GRIP1: variants seen among roughly 807,000 people sequenced by gnomAD.
GRIP1 encodes the protein glutamate receptor-interacting protein 1.
Under a neutral mutation model 129.9 loss-of-function variants are expected in GRIP1, and 45 were observed. That is an observed-to-expected ratio of 0.35 (90% CI 0.27 to 0.44). GRIP1 has a LOEUF of 0.44. GRIP1 is among the 20% of genes least tolerant of loss of function. The pLI is 1.00. For missense variants in GRIP1, 1,196 were observed against 1,396.8 expected (o/e 0.86, Z 2.29); for synonymous variants, 530 against 520.8 (o/e 1.02, Z -0.24).
intron 1 of GRIP1, among the ~76,000 whole-genome samples, chr12:66,828,715 G>C (rs546042397): frequency 1.3e-5 from 2 of 152,084 alleles, no homozygotes; most frequent in Non-Finnish European, 2.9e-5. Flanking sequence ...CCAACTCCTT[G>C]GTCAGGCGAG....
chr12:66,924,698 T>C (rs762057663), intron 1 of GRIP1, among the ~76,000 whole-genome samples: 20 of 152,288 alleles, frequency 1.3e-4, no homozygotes, highest in Non-Finnish European at 2.9e-4. Flanking sequence ...CCAGGCACGG[T>C]GGCTCACGCC....
chr12:66,751,517 G>A (rs1030236241), intron 1 of GRIP1, among the ~76,000 whole-genome samples: 1 of 152,180 alleles, frequency 6.6e-6, no homozygotes, highest in Non-Finnish European at 1.5e-5. Flanking sequence ...AGGGCATGAT[G>A]ACTGAATGCT....
intron 1 of GRIP1, among the ~76,000 whole-genome samples, chr12:66,864,347 T>C (rs2040164552): frequency 1.2e-5 from 1 of 84,390 alleles, no homozygotes; most frequent in Admixed American, 1.3e-4. Flanking sequence ...TAAATATTCT[T>C]GAATTGAGAT....
chr12:66,591,978 C>T (rs139658165), intron 2 of GRIP1, among the ~76,000 whole-genome samples: 211 of 152,210 alleles, frequency 1.4e-3, no homozygotes, highest in African/African-American at 4.6e-3. Context: ...TGAAGCAGAA[C>T]CAGGCATTTA....
intron 2 of GRIP1, among the ~76,000 whole-genome samples, chr12:66,585,936 A>C (rs2063615171): frequency 1.3e-5 from 2 of 152,134 alleles, no homozygotes. Flanking sequence ...CTCTTCAAAG[A>C]CTGCTTTTGC....
intron 1 of GRIP1, among the ~76,000 whole-genome samples, chr12:66,933,991 T>C (rs1390715912): frequency 3.3e-5 from 5 of 152,158 alleles, no homozygotes; most frequent in Non-Finnish European, 7.4e-5. Context: ...ACAGCAGCAT[T>C]ACTCATTCTC....
chr12:66,415,882 A>T (rs2137779678), intron 15 of GRIP1, among the ~76,000 whole-genome samples: 1 of 152,284 alleles, frequency 6.6e-6, no homozygotes, highest in South Asian at 2.1e-4. Flanking sequence ...GGACACATGG[A>T]CACATTGGAA....
At position 66,602,662 on chromosome 12, in the gene GRIP1, G is replaced by C. The variant is rs532299430; in HGVS notation, c.56-5735C>G. Among the ~76,000 whole-genome samples, 3 of 152,122 alleles carry C rather than the reference G, an allele frequency of 2.0e-5. No homozygotes were observed. The East Asian group carries it at 5.8e-4, about 30-fold the overall frequency. ...TGATGGCAAGAAGCAGAGGCAGTGTGCTTCCCTGTGATAGTCTCTTTCCTA... is the reference window on the plus strand; with the variant it reads ...TGATGGCAAGAAGCAGAGGCAGTGTCCTTCCCTGTGATAGTCTCTTTCCTA... On this transcript the variant is annotated intron_variant, in intron 1 of 24. Transcript: ENST00000359742.
At chr12:66,446,112 C>T (rs1592339880) in intron 11 of GRIP1, among the ~76,000 whole-genome samples, 1 of 151,518 alleles carries the variant, frequency 6.6e-6, no homozygotes, top group Non-Finnish European at 1.5e-5. Context: ...CCACCACCAC[C>T]CCAGAGTTTG....
chr12:66,982,805 C>T (rs1244978556), intron 1 of GRIP1, among the ~76,000 whole-genome samples: 2 of 152,116 alleles, frequency 1.3e-5, no homozygotes, highest in East Asian at 1.9e-4. Flanking sequence ...GGATTTCTGA[C>T]CTGCAGGAAC....
chr12:66,543,538 C>T (rs1319847547), intron 2 of GRIP1, among the ~76,000 whole-genome samples: 1 of 152,174 alleles, frequency 6.6e-6, no homozygotes, highest in African/African-American at 2.4e-5. Context: ...CCTTGTGCTA[C>T]TTAAAACAAA....
chr12:67,044,846 T>C (rs574991610), intron 1 of GRIP1, among the ~76,000 whole-genome samples: 1 of 152,342 alleles, frequency 6.6e-6, no homozygotes, highest in Non-Finnish European at 1.5e-5. Context: ...AAGGAGAGAC[T>C]GAAATAGCCA....
At chr12:66,817,185 T>A (rs1371579828) in intron 1 of GRIP1, among the ~76,000 whole-genome samples, 1 of 148,524 alleles carries the variant, frequency 6.7e-6, no homozygotes, top group African/African-American at 2.5e-5. Flanking sequence ...TATATATATA[T>A]ACATAATTTT....
At chr12:66,640,678 C>T (rs1180512589) in intron 1 of GRIP1, among the ~76,000 whole-genome samples, 5 of 152,090 alleles carry the variant, frequency 3.3e-5, no homozygotes, top group Non-Finnish European at 7.4e-5. Context: ...TATAGCATTA[C>T]TGGGCCATTT....
At chr12:66,880,254 T>C (rs1484257990) in intron 1 of GRIP1, among the ~76,000 whole-genome samples, 1 of 152,002 alleles carries the variant, frequency 6.6e-6, no homozygotes, top group Non-Finnish European at 1.5e-5. Flanking sequence ...AGAACCTCAC[T>C]AGGATTGTGG....
At chr12:66,702,309 T>A (rs1320559421) in intron 1 of GRIP1, among the ~76,000 whole-genome samples, 1 of 152,208 alleles carries the variant, frequency 6.6e-6, no homozygotes, top group African/African-American at 2.4e-5. Flanking sequence ...TTCACTGTGA[T>A]GCAATGATAT....
At chr12:66,785,194 C>G (rs1489415083) in intron 1 of GRIP1, among the ~76,000 whole-genome samples, 3 of 151,418 alleles carry the variant, frequency 2.0e-5, no homozygotes, top group Non-Finnish European at 4.4e-5. Flanking sequence ...CATGGTGGCT[C>G]ATGCCTGTAA....
chr12:66,637,211 A>C (rs1565930268), intron 1 of GRIP1, among the ~76,000 whole-genome samples: 2 of 152,042 alleles, frequency 1.3e-5, no homozygotes. Flanking sequence ...AACTGTATAA[A>C]ATAAATAAAT....
intron 1 of GRIP1, among the ~76,000 whole-genome samples, chr12:66,919,385 T>C (rs2041177456): frequency 6.6e-6 from 1 of 152,162 alleles, no homozygotes; most frequent in South Asian, 2.1e-4. Flanking sequence ...GGAACTGCCC[T>C]TCTCTACTTT....
Sources: allele counts gnomAD v4.1 joint callset (sites outside exome capture counted in the v4.1 genomes callset), GRCh38; gene constraint gnomAD v4.1.1; transcripts MANE v1.5; gene names NCBI Gene and HGNC (gene_info 2026-07-23, HGNC 2026-07-21).